MRPS9: variants seen among roughly 807,000 people sequenced by gnomAD.
The protein encoded by MRPS9 is mitochondrial ribosomal protein S9, also known as small ribosomal subunit protein uS9m.
In MRPS9, 45 loss-of-function variants were observed where a neutral mutation model predicts 59.9. The ratio of observed to expected loss-of-function variants is 0.75; its 90% CI spans 0.59 to 0.96. The LOEUF (loss-of-function observed/expected upper bound fraction) is 0.96. MRPS9 is among the 40% of genes least tolerant of loss of function. MRPS9 has a pLI of 0.00. For synonymous variants in MRPS9, 171 were observed against 166.8 expected (o/e 1.03, Z -0.19); for missense variants, 473 against 481.1 (o/e 0.98, Z 0.16).
At chr2:105,089,477 T>A (rs1680515184) in intron 6 of MRPS9, among the ~76,000 whole-genome samples, 1 of 152,220 alleles carries the variant, frequency 6.6e-6, no homozygotes, top group East Asian at 1.9e-4. Flanking sequence ...CAGTGTTAAA[T>A]TTTGGCCTAT....
intron 9 of MRPS9, among the ~76,000 whole-genome samples, chr2:105,095,233 G>A (rs983212853): frequency 1.3e-5 from 2 of 152,202 alleles, no homozygotes; most frequent in Non-Finnish European, 2.9e-5. Context: ...AACACACAGT[G>A]AAGTGGGTTA....
chr2:105,092,688 G>A (rs776794588), intron 8 of MRPS9, 119 bp downstream of exon 8: 13 of 910,934 alleles, frequency 1.4e-5, no homozygotes, highest in Middle Eastern at 3.4e-4. Flanking sequence ...TTTTGCTACC[G>A]TTACTTTGGA....
rs1352392593 is a variant in MRPS9, at chr2:105,038,104, C to G, written c.12C>G (p.Pro4=). ...CTCCCACAGCTAACATGGCGGCGCC[C>G]TGTGTGTCCTACGGCGGAGCAGTTT... MAA[P]CVSYGGAVSY... The change falls in exon 1 of 11, where the codon CCC becomes CCG. Residue 4 remains proline (P), a synonymous_variant. Transcript: ENST00000258455. 6.2e-7 allele frequency: 1 copy of G among 1,613,816 alleles called. No homozygotes were observed. Among genetic ancestry groups the G allele is most frequent in the East Asian group, 2.2e-5 (1 of 44,884 alleles).
intron 2 of MRPS9, among the ~76,000 whole-genome samples, chr2:105,056,922 CATT>C (rs2104445492): frequency 6.6e-6 from 1 of 152,122 alleles, no homozygotes; most frequent in East Asian, 1.9e-4. Flanking sequence ...GAAGATTTAT[CATT>C]ATTAAGGCTA....
rs187577577 is a variant in MRPS9, at chr2:105,075,437, A to G, written c.409+3948A>G. Among the ~76,000 whole-genome samples, 10 of 152,316 alleles carry G rather than the reference A, an allele frequency of 6.6e-5. No individual in the cohort carries two copies. The East Asian group carries it at 9.6e-4, about 15-fold the overall frequency. On this transcript the variant is annotated intron_variant, in intron 4 of 10. Coordinates refer to ENST00000258455, the MANE Select transcript of MRPS9 (RefSeq NM_182640.3). ...CTGCAGAAGTTATAAAGGAGCGCCA[A>G]AGGTCTAATGAGAAAGGCCCAGGCC...
chr2:105,058,050 CTGTA>C (rs1371089321), intron 2 of MRPS9, among the ~76,000 whole-genome samples: 2 of 152,242 alleles, frequency 1.3e-5, no homozygotes, highest in Admixed American at 6.5e-5. Context: ...TGTGAATATG[CTGTA>C]TGAAGTTTCT....
rs982323039 is a variant in MRPS9, at chr2:105,066,080, C to T, written c.316-5233C>T. On this transcript the variant is annotated intron_variant, in intron 2 of 10. Transcript: ENST00000258455. ...TGGCAGACAGCGTGCCAGGAATGTG[C>T]CTTTTCTGTTTTGTATGTTTTGTTA... 7.2e-5 allele frequency among the ~76,000 whole-genome samples: 11 copies of T among 152,248 alleles called. No individual in the cohort carries two copies. In the South Asian group the frequency reaches 2.3e-3, roughly 32 times the overall value.
At chr2:105,085,026 A>G (rs935174719) in intron 5 of MRPS9, among the ~76,000 whole-genome samples, 1 of 152,172 alleles carries the variant, frequency 6.6e-6, no homozygotes, top group Non-Finnish European at 1.5e-5. Context: ...CTGAGTTATA[A>G]GAACTTTCAG....
chr2:105,094,346 T>C lies in MRPS9; in HGVS notation c.929+708T>C, dbSNP rs530164440. Among the ~76,000 whole-genome samples the C allele has an allele frequency of 1.7e-4, 26 of 152,318 alleles. 1 individual carries two copies. In the South Asian group the frequency reaches 5.2e-3, roughly 30 times the overall value. ...CTCTTCTAATCTAAATATACTCATC[T>C]CAGAACTCTCTCTGACTTGCTATAT... is the stretch of plus-strand genomic sequence containing the variant. On this transcript the variant is annotated intron_variant, in intron 9 of 10. Transcript: ENST00000258455.
intron 1 of MRPS9, chr2:105,038,473 G>T: frequency 2.0e-6 from 1 of 508,334 alleles, no homozygotes; most frequent in Non-Finnish European, 3.5e-6. Flanking sequence ...GAAGTGGAGC[G>T]ACCTCCTCCT....
chr2:105,089,056 A>G lies in MRPS9; in HGVS notation c.562A>G (p.Lys188Glu). Residue 188 changes from lysine to glutamate, a missense_variant, in exon 6 of 11, where the codon AAA (lysine) becomes GAA (glutamate). Physicochemically the swap from Lys to Glu is moderately conservative, Grantham distance 56. Transcript: ENST00000258455. ...HLQAKSLLPE[K>E]TVTRDVIGSR... ...GCAAGCCAAAAGTCTGCTCCCAGAA[A>G]AAACTGTAACCAGGTAAGCTCTTTT... The G allele has an allele frequency of 3.7e-6, 6 of 1,610,590 alleles. No individual in the cohort carries two copies. Among genetic ancestry groups the G allele is most frequent in the Non-Finnish European group, 5.1e-6 (6 of 1,177,896 alleles).
At chr2:105,090,745 G>A (rs1558762992) in intron 7 of MRPS9, among the ~76,000 whole-genome samples, 2 of 152,140 alleles carry the variant, frequency 1.3e-5, no homozygotes, top group African/African-American at 4.8e-5. Flanking sequence ...TGGAAGATTG[G>A]GGTGTAGATA....
At position 105,038,223 on chromosome 2, in the gene MRPS9, C is replaced by G; in HGVS notation, c.131C>G (p.Ser44Cys). Residue 44 changes from serine to cysteine, a missense_variant, in exon 1 of 11, where the codon TCC becomes TGC. Physicochemically the swap from Ser to Cys is moderately radical, Grantham distance 112 (BLOSUM62 -1). Transcript: ENST00000258455. ...AAPELQTNVR[S>C]QILRLRHTAF... ...CCTGAGTTGCAAACAAATGTCAGAT[C>G]CCAGGTAAGGCCTGGGAAGACTGGA... 5 of 1,610,948 alleles carry G rather than the reference C, an allele frequency of 3.1e-6. No homozygotes were observed. Among genetic ancestry groups the G allele is most frequent in the Non-Finnish European group, 4.2e-6 (5 of 1,178,576 alleles).
intron 1 of MRPS9, among the ~76,000 whole-genome samples, chr2:105,041,614 T>C (rs1410943932): frequency 6.6e-6 from 1 of 152,170 alleles, no homozygotes; most frequent in African/African-American, 2.4e-5. Context: ...TTTAGTAGGA[T>C]CTTAATACAT....
chr2:105,097,239 A>G lies in MRPS9; in HGVS notation c.1014A>G (p.Ser338=), dbSNP rs15567. ...VTCTVSGGGR[S]AQAGAIRLAM... is the part of the protein sequence containing the mutation. Reference sequence around the variant, plus strand: ...GCACAGTCTCAGGGGGCGGGAGGTCAGCGCAGGCTGGAGCAATACGACTGG... The same window carrying G: ...GCACAGTCTCAGGGGGCGGGAGGTCGGCGCAGGCTGGAGCAATACGACTGG... The change falls in exon 10 of 11, where the codon TCA becomes TCG. Residue 338 remains serine, a synonymous_variant. Transcript: ENST00000258455. The G allele has an allele frequency of 0.22, 347,367 of 1,612,460 alleles. 38,849 individuals are homozygous for G. Among genetic ancestry groups the G allele is most frequent in the Middle Eastern group, 0.28 (1,711 of 6,060 alleles).
intron 1 of MRPS9, among the ~76,000 whole-genome samples, chr2:105,039,942 T>C (rs535455177): frequency 6.6e-6 from 1 of 152,328 alleles, no homozygotes; most frequent in South Asian, 2.1e-4. Flanking sequence ...AGCCAGGCAC[T>C]GTGAAGTAAA....
chr2:105,098,966 C>T (rs891639359), intron 10 of MRPS9, among the ~76,000 whole-genome samples: 1 of 152,152 alleles, frequency 6.6e-6, no homozygotes, highest in Non-Finnish European at 1.5e-5. Flanking sequence ...AGAGTAACCC[C>T]AGCAGTTGCC....
intron 2 of MRPS9, among the ~76,000 whole-genome samples, chr2:105,056,798 G>T (rs951699122): frequency 6.6e-6 from 1 of 152,126 alleles, no homozygotes; most frequent in Non-Finnish European, 1.5e-5. Flanking sequence ...CCTTAATAAG[G>T]TTTATTAAAG....
At chr2:105,074,709 GCA>G (rs2104456521) in intron 4 of MRPS9, among the ~76,000 whole-genome samples, 1 of 152,236 alleles carries the variant, frequency 6.6e-6, no homozygotes, top group East Asian at 1.9e-4. Context: ...GGCAGTTGTG[GCA>G]CACACACATA....
Sources: gnomAD v4.1 joint callset for allele counts (sites outside exome capture counted in the v4.1 genomes callset) on GRCh38, gnomAD v4.1.1 for gene constraint, MANE v1.5 for transcripts, NCBI Gene and HGNC (gene_info 2026-07-23, HGNC 2026-07-21) for gene names.